NALF1: variants seen among roughly 807,000 people sequenced by gnomAD.
NALF1 encodes family with sequence similarity 155 member A.
Under a neutral mutation model 48.4 loss-of-function variants are expected in NALF1, and 3 were observed. That is an observed-to-expected ratio of 0.06 (90% CI 0.03 to 0.16). The LOEUF (loss-of-function observed/expected upper bound fraction) is 0.16, where lower values mean the gene tolerates loss of function less well. Ranked by LOEUF, NALF1 falls within the 10% of genes least tolerant of loss-of-function variation. The pLI, the probability that NALF1 is intolerant of heterozygous loss-of-function variation, is 1.00. For synonymous variants in NALF1, 262 were observed against 245.7 expected (o/e 1.07, Z -0.62); for missense variants, 526 against 571.5 (o/e 0.92, Z 0.81).
intron 1 of NALF1, among the ~76,000 whole-genome samples, chr13:107,661,086 G>T (rs965141247): frequency 3.3e-5 from 5 of 152,184 alleles, no homozygotes; most frequent in Non-Finnish European, 5.9e-5. Flanking sequence ...CGGGATTGGA[G>T]CACCTCTCAA....
intron 1 of NALF1, among the ~76,000 whole-genome samples, chr13:107,325,887 T>TATATATATACACACACAC (rs752320518): frequency 5.1e-5 from 3 of 58,910 alleles, no homozygotes; most frequent in African/African-American, 1.6e-4. Flanking sequence ...TATATATATA[T>TATATATATACACACACAC]ACACACACAC....
intron 1 of NALF1, among the ~76,000 whole-genome samples, chr13:107,291,170 C>G (rs1881613155): frequency 6.6e-6 from 1 of 151,630 alleles, no homozygotes; most frequent in African/African-American, 2.4e-5. Context: ...AAATCCTCTT[C>G]CCAAATATAT....
At chr13:107,836,751 A>T (rs1210781409) in intron 1 of NALF1, among the ~76,000 whole-genome samples, 1 of 152,224 alleles carries the variant, frequency 6.6e-6, no homozygotes, top group East Asian at 1.9e-4. Flanking sequence ...ACCTCAGGTG[A>T]GTCTCTCTAA....
intron 1 of NALF1, among the ~76,000 whole-genome samples, chr13:107,820,601 T>C (rs971018139): frequency 1.3e-5 from 2 of 152,180 alleles, no homozygotes; most frequent in Non-Finnish European, 2.9e-5. Flanking sequence ...TAAATGACAA[T>C]TTCCAAATGA....
At chr13:107,837,920 T>TAA (rs56351148) in intron 1 of NALF1, among the ~76,000 whole-genome samples, 28 of 150,680 alleles carry the variant, frequency 1.9e-4, no homozygotes, top group East Asian at 1.4e-3. Flanking sequence ...GTATACAGAT[T>TAA]AAAAAAAAAC....
chr13:107,444,397 T>C (rs1369560482), intron 1 of NALF1, among the ~76,000 whole-genome samples: 2 of 152,142 alleles, frequency 1.3e-5, no homozygotes, highest in Admixed American at 6.5e-5. Context: ...TATCAGGAGA[T>C]TGTATGAGCT....
At chr13:107,260,071 A>G (rs1226472465) in intron 1 of NALF1, among the ~76,000 whole-genome samples, 1 of 152,246 alleles carries the variant, frequency 6.6e-6, no homozygotes, top group African/African-American at 2.4e-5. Context: ...TCAAGAATAT[A>G]GAACTGAATC....
intron 1 of NALF1, among the ~76,000 whole-genome samples, chr13:107,704,504 C>T (rs1330065110): frequency 6.6e-6 from 1 of 152,020 alleles, no homozygotes; most frequent in Non-Finnish European, 1.5e-5. Context: ...TACTTAACCT[C>T]CCAAAGTTAT....
At chr13:107,722,282 G>T (rs1876009781) in intron 1 of NALF1, among the ~76,000 whole-genome samples, 1 of 152,118 alleles carries the variant, frequency 6.6e-6, no homozygotes, top group Non-Finnish European at 1.5e-5. Context: ...GAAACTCTGA[G>T]AACCTAGATC....
At chr13:107,542,287 A>T (rs1877019742) in intron 1 of NALF1, among the ~76,000 whole-genome samples, 1 of 152,028 alleles carries the variant, frequency 6.6e-6, no homozygotes, top group South Asian at 2.1e-4. Context: ...AGGCAAATGT[A>T]TGGGACAAAA....
At chr13:107,705,267 G>A (rs901899393) in intron 1 of NALF1, among the ~76,000 whole-genome samples, 3 of 152,148 alleles carry the variant, frequency 2.0e-5, no homozygotes, top group African/African-American at 7.2e-5. Flanking sequence ...CCTCACAAAT[G>A]TGCAGTACAG....
In NALF1 at chr13:107,474,334, C is replaced by T. The variant is rs779326467; in HGVS notation, c.916-263579G>A. Among the ~76,000 whole-genome samples the T allele has an allele frequency of 2.6e-5, 4 of 152,262 alleles. No homozygotes were observed. The South Asian group carries it at 6.2e-4, about 24-fold the overall frequency. On this transcript the variant is annotated intron_variant, in intron 1 of 2. Transcript: ENST00000375915. ...AAGATAGAACTATATTTCATACTATCATCCAGAAACTGTACTTTTAAGAAT... is the reference window on the plus strand; with the variant it reads ...AAGATAGAACTATATTTCATACTATTATCCAGAAACTGTACTTTTAAGAAT...
At chr13:107,691,292 G>C (rs9587427) in intron 1 of NALF1, among the ~76,000 whole-genome samples, 15,902 of 152,160 alleles carry the variant, frequency 0.1, 1,114 homozygotes, top group African/African-American at 0.19. Context: ...CCAGCACCTT[G>C]ACTTTGGACT....
At chr13:107,311,977 C>A (rs1369600442) in intron 1 of NALF1, among the ~76,000 whole-genome samples, 5 of 152,154 alleles carry the variant, frequency 3.3e-5, no homozygotes, top group Admixed American at 6.5e-5. Context: ...GTTGGTGGGA[C>A]TGTAAACTAG....
At chr13:107,758,128 T>A (rs1566470794) in intron 1 of NALF1, among the ~76,000 whole-genome samples, 1 of 152,106 alleles carries the variant, frequency 6.6e-6, no homozygotes, top group Non-Finnish European at 1.5e-5. Context: ...ACTGAGGCAA[T>A]GCAAGAAAAA....
At chr13:107,217,461 GCAACCGTC>G (rs1879896621) in intron 1 of NALF1, among the ~76,000 whole-genome samples, 1 of 152,096 alleles carries the variant, frequency 6.6e-6, no homozygotes, top group African/African-American at 2.4e-5. Flanking sequence ...TTCTTTCTGG[GCAACCGTC>G]CATCCTCGTG....
At chr13:107,212,154 G>T (rs1204975438) in intron 1 of NALF1, among the ~76,000 whole-genome samples, 1 of 152,160 alleles carries the variant, frequency 6.6e-6, no homozygotes, top group Admixed American at 6.5e-5. Flanking sequence ...AAGGAGGATT[G>T]TATTTTTTTA....
chr13:107,521,997 A>G (rs1361647991), intron 1 of NALF1, among the ~76,000 whole-genome samples: 1 of 151,960 alleles, frequency 6.6e-6, no homozygotes, highest in Admixed American at 6.6e-5. Context: ...TCTCTCACAT[A>G]TCATAAATCT....
intron 1 of NALF1, among the ~76,000 whole-genome samples, chr13:107,641,746 G>A (rs1880162733): frequency 6.6e-6 from 1 of 152,140 alleles, no homozygotes; most frequent in Non-Finnish European, 1.5e-5. Flanking sequence ...CTTGTATCAG[G>A]CCTCACAACC....
Sources: gnomAD v4.1 joint callset for allele counts (sites outside exome capture counted in the v4.1 genomes callset) on GRCh38, gnomAD v4.1.1 for gene constraint, MANE v1.5 for transcripts, NCBI Gene and HGNC (gene_info 2026-07-23, HGNC 2026-07-21) for gene names.